The following LRMDA variants were observed in gnomAD, a reference collection of about 807,000 sequenced individuals.
LRMDA encodes the protein leucine rich melanocyte differentiation associated, also known as leucine-rich melanocyte differentiation-associated protein.
Under a neutral mutation model 29.8 loss-of-function variants are expected in LRMDA, and 18 were observed. The ratio of observed to expected loss-of-function variants is 0.60; its 90% confidence interval spans 0.42 to 0.90. The LOEUF is 0.90. LRMDA is among the 40% of genes least tolerant of loss of function. The pLI is 0.00. For synonymous variants in LRMDA, 125 were observed against 109.4 expected (o/e 1.14, Z -0.89); for missense variants, 273 against 273.9 (o/e 1.00, Z 0.02).
Position 75,612,070 on chromosome 10 carries a change from T to C in LRMDA, c.131+173576T>C, listed in dbSNP as rs368417467. Reference sequence around the variant, plus strand: ...AAGGTGAATGGGGTTTCTAGAACAATATAACTCATTCAAATGCCATTTAGT... The same window carrying C: ...AAGGTGAATGGGGTTTCTAGAACAACATAACTCATTCAAATGCCATTTAGT... On this transcript the variant is annotated intron_variant, in intron 2 of 6. Transcript: ENST00000611255. Among the ~76,000 whole-genome samples the C allele has an allele frequency of 2.6e-4, 40 of 152,332 alleles. No homozygotes were observed. In the South Asian group the frequency reaches 5.8e-3, roughly 22 times the overall value.
intron 2 of LRMDA, among the ~76,000 whole-genome samples, chr10:75,992,551 G>A (rs529786748): frequency 1.3e-5 from 2 of 152,300 alleles, no homozygotes; most frequent in South Asian, 2.1e-4. Flanking sequence ...TTTCTGGTGA[G>A]CATGTCTGCC....
chr10:75,770,439 C>A (rs980616854), intron 2 of LRMDA, among the ~76,000 whole-genome samples: 1 of 152,106 alleles, frequency 6.6e-6, no homozygotes, highest in Non-Finnish European at 1.5e-5. Context: ...ATGTATTTCA[C>A]CATAATTTTT....
intron 2 of LRMDA, among the ~76,000 whole-genome samples, chr10:75,639,393 G>A (rs1467828712): frequency 2.0e-5 from 3 of 152,112 alleles, no homozygotes; most frequent in Admixed American, 1.3e-4. Flanking sequence ...ATGAGGGAAG[G>A]GGAGCCGAAA....
chr10:76,236,982 G>A (rs757142516), intron 5 of LRMDA, among the ~76,000 whole-genome samples: 1 of 152,178 alleles, frequency 6.6e-6, no homozygotes, highest in Non-Finnish European at 1.5e-5. Flanking sequence ...CTGCAATAAT[G>A]TGACATGAAA....
At chr10:76,230,610 G>T (rs796434496) in intron 5 of LRMDA, among the ~76,000 whole-genome samples, 3 of 150,106 alleles carry the variant, frequency 2.0e-5, no homozygotes, top group African/African-American at 7.3e-5. Flanking sequence ...TATATATTTG[G>T]GGATGACACC....
chr10:75,925,336 G>C (rs1846102424), intron 2 of LRMDA, among the ~76,000 whole-genome samples: 1 of 152,060 alleles, frequency 6.6e-6, no homozygotes, highest in Non-Finnish European at 1.5e-5. Context: ...TTTTATATCA[G>C]GCCTCGGAGT....
At chr10:76,193,010 C>T (rs1044928842) in intron 5 of LRMDA, among the ~76,000 whole-genome samples, 6 of 152,202 alleles carry the variant, frequency 3.9e-5, no homozygotes, top group African/African-American at 1.4e-4. Context: ...TGCCCCTCCT[C>T]TTTTAAAACA....
At chr10:76,207,746 C>T (rs1379872066) in intron 5 of LRMDA, among the ~76,000 whole-genome samples, 2 of 152,098 alleles carry the variant, frequency 1.3e-5, no homozygotes, top group Non-Finnish European at 2.9e-5. Context: ...GGCAGCTCAC[C>T]TGAGGTCAGG....
chr10:75,562,017 G>T (rs1840303292), intron 2 of LRMDA, among the ~76,000 whole-genome samples: 1 of 151,986 alleles, frequency 6.6e-6, no homozygotes, highest in African/African-American at 2.4e-5. Flanking sequence ...GTTGATTTGG[G>T]GTGGAGAGTT....
chr10:76,453,086 C>T (rs138885991), intron 6 of LRMDA, among the ~76,000 whole-genome samples: 1 of 152,274 alleles, frequency 6.6e-6, no homozygotes, highest in East Asian at 1.9e-4. Context: ...ACAGAGGTCT[C>T]TGAAATAGAA....
intron 6 of LRMDA, among the ~76,000 whole-genome samples, chr10:76,376,607 G>T (rs1231609540): frequency 6.6e-6 from 1 of 151,940 alleles, no homozygotes; most frequent in Non-Finnish European, 1.5e-5. Flanking sequence ...TGGATTTAAT[G>T]GTAGTTCTAT....
intron 6 of LRMDA, among the ~76,000 whole-genome samples, chr10:76,365,107 T>TATATATATATATAC (rs141131236): frequency 1.6e-5 from 1 of 61,254 alleles, no homozygotes; most frequent in African/African-American, 4.6e-5. Flanking sequence ...TATATATATA[T>TATATATATATATAC]ACACACACAC....
intron 2 of LRMDA, among the ~76,000 whole-genome samples, chr10:75,528,320 G>A (rs750593464): frequency 6.6e-6 from 1 of 152,180 alleles, no homozygotes; most frequent in Non-Finnish European, 1.5e-5. Flanking sequence ...AGTTTCTTTT[G>A]TTGGGAGCAT....
intron 2 of LRMDA, among the ~76,000 whole-genome samples, chr10:75,907,513 A>G (rs1845776912): frequency 6.6e-6 from 1 of 152,150 alleles, no homozygotes; most frequent in African/African-American, 2.4e-5. Flanking sequence ...CATTTCACTC[A>G]TTGGCCGCAT....
intron 5 of LRMDA, among the ~76,000 whole-genome samples, chr10:76,174,520 C>T (rs1850897205): frequency 6.6e-6 from 1 of 152,010 alleles, no homozygotes; most frequent in African/African-American, 2.4e-5. Context: ...AAAAGGAAAA[C>T]ATTATTCTTC....
intron 5 of LRMDA, among the ~76,000 whole-genome samples, chr10:76,131,442 T>G (rs1849990481): frequency 6.6e-6 from 1 of 152,220 alleles, no homozygotes; most frequent in African/African-American, 2.4e-5. Context: ...TATAAGGATA[T>G]TTTCAATGGA....
At chr10:75,888,264 T>C (rs2132350847) in intron 2 of LRMDA, among the ~76,000 whole-genome samples, 1 of 152,336 alleles carries the variant, frequency 6.6e-6, no homozygotes. Flanking sequence ...AACTCTTTTC[T>C]TTCTCTTGAC....
intron 2 of LRMDA, among the ~76,000 whole-genome samples, chr10:75,649,745 C>T (rs998443782): frequency 6.6e-6 from 1 of 152,154 alleles, no homozygotes; most frequent in African/African-American, 2.4e-5. Flanking sequence ...ATAGCAGCTG[C>T]ACAACTTTCC....
intron 2 of LRMDA, among the ~76,000 whole-genome samples, chr10:75,912,593 G>T (rs72811485): frequency 6.6e-6 from 1 of 152,042 alleles, no homozygotes; most frequent in Non-Finnish European, 1.5e-5. Context: ...TGTAGTTCAG[G>T]GTACATTAGG....
Sources: gnomAD v4.1 joint callset for allele counts (sites outside exome capture counted in the v4.1 genomes callset) on GRCh38, gnomAD v4.1.1 for gene constraint, MANE v1.5 for transcripts, NCBI Gene and HGNC (gene_info 2026-07-23, HGNC 2026-07-21) for gene names.